The following LSS variants were observed in gnomAD, a reference collection of about 807,000 sequenced individuals.
The protein encoded by LSS is lanosterol synthase.
A neutral mutation model predicts 110.3 loss-of-function variants in LSS; 90 were observed. The ratio of observed to expected loss-of-function variants is 0.82; its 90% CI spans 0.69 to 0.97. LSS has a LOEUF of 0.97. Among genes scored for constraint, LSS ranks in the 50% least tolerant of loss-of-function variants. The pLI, the probability that LSS is intolerant of heterozygous loss-of-function variation, is 0.00. For missense variants in LSS, 927 were observed against 990.0 expected, an observed-to-expected ratio of 0.94 and a Z score of 0.85; for synonymous variants, 433 against 400.0, an observed-to-expected ratio of 1.08 and a Z score of -0.98.
chr21:46,212,873 G>T, intron 11 of LSS, 152 bp downstream of exon 11: 1 of 845,762 alleles, frequency 1.2e-6, no homozygotes, highest in Non-Finnish European at 1.9e-6. Context: ...CACCCACAGG[G>T]ACACGGCCAG....
chr21:46,192,830 C>G (rs1423998835), intron 20 of LSS: 13 of 444,982 alleles, frequency 2.9e-5, no homozygotes, highest in African/African-American at 1.3e-4. Flanking sequence ...GTACGTATGT[C>G]TGTGTGTGGC....
chr21:46,220,733 AGGAGAGGTAGCCAGGCCGGGCAT>A (rs372380531), intron 5 of LSS, among the ~76,000 whole-genome samples: 8,393 of 152,180 alleles, frequency 0.055, 586 homozygotes, highest in African/African-American at 0.16. Flanking sequence ...TATAGGCAAG[AGGAGAGGTAGCCAGGCCGGGCAT>A]GGAGAGGTAG....
chr21:46,195,488 C>T (rs143843669), intron 19 of LSS, among the ~76,000 whole-genome samples, 188 bp downstream of exon 19: 71 of 152,310 alleles, frequency 4.7e-4, no homozygotes, highest in South Asian at 3.5e-3. Context: ...CTTGAGCCCA[C>T]GAGTTTGAGA....
At chr21:46,205,740 G>A in intron 17 of LSS, 96 bp downstream of exon 17, 1 of 925,114 alleles carries the variant, frequency 1.1e-6, no homozygotes, top group Non-Finnish European at 1.7e-6. Context: ...TTTCGCTTCT[G>A]AGATGGGCCA....
intron 18 of LSS, 121 bp from the exon 19 acceptor site, chr21:46,195,877 G>T: frequency 1.3e-6 from 1 of 767,988 alleles, no homozygotes; most frequent in Non-Finnish European, 2.2e-6. Context: ...AGTGCCTCAG[G>T]CATTAAGGCC....
intron 6 of LSS, among the ~76,000 whole-genome samples, chr21:46,218,432 T>G (rs1412883537): frequency 1.3e-5 from 2 of 152,120 alleles, no homozygotes; most frequent in African/African-American, 2.4e-5. Context: ...GAGACCATCC[T>G]GGCCAACATA....
intron 21 of LSS, among the ~76,000 whole-genome samples, 183 bp from the exon 22 acceptor site, chr21:46,191,418 C>T (rs1250632488): frequency 6.6e-6 from 1 of 152,150 alleles, no homozygotes; most frequent in Non-Finnish European, 1.5e-5. Context: ...ACCATCAGCC[C>T]AGCTCAGACT....
At chr21:46,201,693 G>A (rs2123710588) in intron 17 of LSS, among the ~76,000 whole-genome samples, 1 of 152,238 alleles carries the variant, frequency 6.6e-6, no homozygotes, top group African/African-American at 2.4e-5. Flanking sequence ...GTGAATTTAA[G>A]GGAGAATTTA....
In LSS at chr21:46,191,027, G is replaced by A; in HGVS notation, c.*77C>T. On this transcript the variant is annotated 3_prime_UTR_variant, in exon 22 of 22. Coordinates refer to ENST00000397728, the MANE Select transcript of LSS (RefSeq NM_002340.6). ...GGTTGGAGCCCAAGACAGGGTTATG[G>A]GAGGGCTCCCCAACCCGGCCAGGAC... is the stretch of plus-strand genomic sequence containing the variant. The A allele has an allele frequency of 1.3e-6, 2 of 1,550,404 alleles. No homozygotes were observed. The highest frequency in any genetic ancestry group is 1.1e-5 in the South Asian group (1 of 87,094).
chr21:46,190,924 G>A lies in LSS; in HGVS notation c.*180C>T. On this transcript the variant is annotated 3_prime_UTR_variant, in exon 22 of 22. Coordinates refer to ENST00000397728, the MANE Select transcript of LSS (RefSeq NM_002340.6). The surrounding 1 kb of genome is among the most constrained non-coding windows in gnomAD (Gnocchi z 4.6). ...AATGAACCTACAGTAAAAATCAAGA[G>A]TCTAAGCCACCCACCCTGTCCCCAT... 1 of 660,138 alleles carries A rather than the reference G, an allele frequency of 1.5e-6. No homozygotes were observed. The highest frequency in any genetic ancestry group is 2.5e-6 in the Non-Finnish European group (1 of 406,138). The allele number at this position is 660,138 out of a possible 1,614,324, so 40.9% of individuals were successfully genotyped here.
At chr21:46,214,245 C>A (rs2087531186) in intron 9 of LSS, among the ~76,000 whole-genome samples, 1 of 152,222 alleles carries the variant, frequency 6.6e-6, no homozygotes, top group African/African-American at 2.4e-5. Context: ...CCACTTGCCC[C>A]CCTTCTTCCT....
At position 46,210,948 on chromosome 21, in the gene LSS, G is replaced by A. The variant is rs4819216; in HGVS notation, c.1138-204C>T. Among the ~76,000 whole-genome samples the A allele has an allele frequency of 0.33, 49,826 of 151,998 alleles. 8,318 individuals are homozygous for A. The highest frequency in any genetic ancestry group is 0.42 in the South Asian group (2,045 of 4,818). On this transcript the variant is annotated intron_variant, in intron 11 of 21. Transcript: ENST00000397728. ...TGAGCCCTGCAGGCAGACACACGTC[G>A]GGGAGACTCAGGGAGCCCTCCCTTT...
At chr21:46,195,781 A>C in intron 18 of LSS, 25 bp from the exon 19 acceptor site, 4 of 1,591,672 alleles carry the variant, frequency 2.5e-6, no homozygotes, top group Non-Finnish European at 3.4e-6. Context: ...GGAGAGCCTC[A>C]GCCCTTCCAC....
chr21:46,219,110 G>A (rs1250858503), intron 6 of LSS, among the ~76,000 whole-genome samples: 1 of 152,158 alleles, frequency 6.6e-6, no homozygotes, highest in Non-Finnish European at 1.5e-5. Context: ...ACCAGCAAAG[G>A]AGACAAACGC....
In LSS at chr21:46,189,359, A is replaced by G. The variant is rs1569011528; in HGVS notation, c.*1745T>C. The G allele has an allele frequency of 3.5e-6, 1 of 287,710 alleles. No individual in the cohort carries two copies. Among genetic ancestry groups the G allele is most frequent in the Non-Finnish European group, 6.8e-6 (1 of 147,468 alleles). The allele number at this position is 287,710 out of a possible 1,614,324, so 17.8% of individuals were successfully genotyped here. A position where few individuals can be genotyped will look rare whatever the true frequency, so the allele number is the denominator to read the frequency against. ...GGGAGAACACGTGGGCTGAGAAAAA[A>G]AAACAGCATGTGCAAACCTGACAGA... On this transcript the variant is annotated 3_prime_UTR_variant, in exon 22 of 22. Coordinates refer to ENST00000397728, the MANE Select transcript of LSS (RefSeq NM_002340.6).
Position 46,189,577 on chromosome 21 carries a change from C to A in LSS, c.*1527G>T. The A allele has an allele frequency of 2.3e-6, 1 of 441,108 alleles. No homozygotes were observed. Among genetic ancestry groups the A allele is most frequent in the Non-Finnish European group, 4.5e-6 (1 of 219,982 alleles). 27.3% of individuals were successfully genotyped at this position (441,108 alleles called of 1,614,324 possible). A position where few individuals can be genotyped will look rare whatever the true frequency, so the allele number is the denominator to read the frequency against. On this transcript the variant is annotated 3_prime_UTR_variant, in exon 22 of 22. Transcript: ENST00000397728. ...CAGAAGACCCCAGAGGGTGCGGCAC[C>A]TGGGTGAGAGCCCTGGACTGCACAC...
chr21:46,209,302 G>T lies in LSS; in HGVS notation c.1266+252C>A, dbSNP rs2080095392. On this transcript the variant is annotated intron_variant, in intron 13 of 21. Transcript: ENST00000397728. This position sits in a 1 kb window ranked among gnomAD's most constrained non-coding sequence, Gnocchi z 4.4. ...CCCTTGCACACAGTGGCTCCAACAT[G>T]AGCAGGACGCAGAAACTGCCAGCAC... Among the ~76,000 whole-genome samples, 1 of 152,116 alleles carries T rather than the reference G, an allele frequency of 6.6e-6. No individual in the cohort carries two copies. The highest frequency in any genetic ancestry group is 1.5e-5 in the Non-Finnish European group (1 of 68,014).
Position 46,223,238 on chromosome 21 carries a change from C to T in LSS, c.320-500G>A, listed in dbSNP as rs556353735. On this transcript the variant is annotated intron_variant, in intron 3 of 21. Coordinates refer to ENST00000397728, the MANE Select transcript of LSS (RefSeq NM_002340.6). ...AAAATTTTTTTACAAGCATATGCCGCTTTGCAAATGTCAGGGGGGAGGCAG... is the reference window on the plus strand; with the variant it reads ...AAAATTTTTTTACAAGCATATGCCGTTTTGCAAATGTCAGGGGGGAGGCAG... Among the ~76,000 whole-genome samples the T allele has an allele frequency of 3.3e-5, 5 of 152,310 alleles. No individual in the cohort carries two copies. In the South Asian group the frequency reaches 1.0e-3, roughly 32 times the overall value.
intron 18 of LSS, 37 bp from the exon 19 acceptor site, chr21:46,195,793 C>T (rs776349996): frequency 1.3e-6 from 2 of 1,543,590 alleles, no homozygotes; most frequent in African/African-American, 1.4e-5. Context: ...CCCTTCCACC[C>T]TGTTCACAGC....
Sources: allele counts gnomAD v4.1 joint callset (sites outside exome capture counted in the v4.1 genomes callset), GRCh38; gene constraint gnomAD v4.1.1; non-coding constraint Gnocchi (gnomAD v3.1); transcripts MANE v1.5; gene names NCBI Gene and HGNC (gene_info 2026-07-23, HGNC 2026-07-21).